Variants in LCA5 observed in about 807,000 individuals in gnomAD.
LCA5 encodes the protein lebercilin.
Under a neutral mutation model 53.0 loss-of-function variants are expected in LCA5, and 37 were observed. That is an observed-to-expected ratio of 0.70 (90% confidence interval 0.54 to 0.92). The LOEUF (loss-of-function observed/expected upper bound fraction) is 0.92, where lower values mean the gene tolerates loss of function less well. Among genes scored for constraint, LCA5 ranks in the 40% least tolerant of loss-of-function variants. The pLI is 0.00. For missense variants in LCA5, 806 were observed against 790.5 expected, an observed-to-expected ratio of 1.02 and a Z score of -0.23; for synonymous variants, 303 against 282.9, an observed-to-expected ratio of 1.07 and a Z score of -0.71.
At chr6:79,536,745 C>T (rs986595876) in intron 1 of LCA5, among the ~76,000 whole-genome samples, 20 of 152,154 alleles carry the variant, frequency 1.3e-4, no homozygotes, top group Non-Finnish European at 4.4e-5. Flanking sequence ...GGCCCTTGGC[C>T]CTGCCCCTCC....
intron 1 of LCA5, among the ~76,000 whole-genome samples, chr6:79,533,536 A>G (rs1562116067): frequency 6.6e-6 from 1 of 151,946 alleles, no homozygotes; most frequent in Non-Finnish European, 1.5e-5. Context: ...ATAGGAAGCT[A>G]CCAAATCTAA....
In LCA5 at chr6:79,491,683, T is replaced by C. The variant is rs774324348; in HGVS notation, c.1003A>G (p.Thr335Ala). The change falls in exon 6 of 8, where the codon ACC becomes GCC. Residue 335 changes from threonine to alanine, a missense_variant. Physicochemically the swap from Thr to Ala is moderately conservative, Grantham distance 58. Coordinates refer to ENST00000369846, the MANE Select transcript of LCA5 (RefSeq NM_001122769.3). ...TCTTCTGGCTTGAAGTCTTCCATGG[T>C]TTGTACTCCTTTTGTACACAGGTCT... ...FADLCTKGVQ[T>A]MEDFKPEEYP... 1 of 1,613,152 alleles carries C rather than the reference T, an allele frequency of 6.2e-7. No individual in the cohort carries two copies. Among genetic ancestry groups the C allele is most frequent in the Non-Finnish European group, 8.5e-7 (1 of 1,179,300 alleles).
At chr6:79,498,647 T>C (rs879425207) in intron 3 of LCA5, among the ~76,000 whole-genome samples, 3 of 151,966 alleles carry the variant, frequency 2.0e-5, no homozygotes, top group Non-Finnish European at 4.4e-5. Context: ...GGAACAATAA[T>C]GAACAATGGT....
At chr6:79,500,758 T>A (rs1167909801) in intron 3 of LCA5, among the ~76,000 whole-genome samples, 3 of 152,320 alleles carry the variant, frequency 2.0e-5, no homozygotes, top group African/African-American at 7.2e-5. Context: ...TAGGTTTGTA[T>A]TGCCCTCAGG....
chr6:79,516,266 C>T (rs146469362), intron 2 of LCA5, among the ~76,000 whole-genome samples: 1 of 151,538 alleles, frequency 6.6e-6, no homozygotes, highest in East Asian at 1.9e-4. Context: ...GTTTTCTTTC[C>T]CAACATATGT....
At chr6:79,532,935 A>C (rs1179384034) in intron 1 of LCA5, among the ~76,000 whole-genome samples, 1 of 152,136 alleles carries the variant, frequency 6.6e-6, no homozygotes, top group East Asian at 1.9e-4. Flanking sequence ...CCATTTTATA[A>C]AATTTTCCTT....
chr6:79,529,094 G>A (rs1766878309), intron 1 of LCA5, among the ~76,000 whole-genome samples: 1 of 152,174 alleles, frequency 6.6e-6, no homozygotes, highest in African/African-American at 2.4e-5. Flanking sequence ...GCAGTGGGAT[G>A]TTGTATTATC....
intron 1 of LCA5, among the ~76,000 whole-genome samples, chr6:79,534,127 A>G (rs910077181): frequency 1.3e-5 from 2 of 150,444 alleles, no homozygotes; most frequent in Non-Finnish European, 3.0e-5. Context: ...TCTTCTAATA[A>G]CATGTCCCCA....
intron 3 of LCA5, among the ~76,000 whole-genome samples, chr6:79,507,824 A>T (rs565100315): frequency 6.6e-6 from 1 of 152,180 alleles, no homozygotes; most frequent in Admixed American, 6.5e-5. Flanking sequence ...ATGCTATATA[A>T]ACTGCATGCT....
chr6:79,513,598 T>C lies in LCA5; in HGVS notation c.334A>G (p.Ile112Val), dbSNP rs576105476. The change falls in exon 3 of 8, where the codon ATC becomes GTC. Residue 112 changes from isoleucine to valine, a missense_variant. Coordinates refer to ENST00000369846, the MANE Select transcript of LCA5 (RefSeq NM_001122769.3). Reference sequence around the variant, plus strand: ...GATACTTCATTCTGCAACTCATTGATTTTTAGCAGTCTTGCAGACAGAATC... The same window carrying C: ...GATACTTCATTCTGCAACTCATTGACTTTTAGCAGTCTTGCAGACAGAATC... ...KRILSARLLK[I>V]NELQNEVSEL... 57 of 1,613,972 alleles carry C rather than the reference T, an allele frequency of 3.5e-5. No homozygotes were observed. The South Asian group carries it at 5.9e-4, about 17-fold the overall frequency.
At chr6:79,532,908 A>C (rs1267213738) in intron 1 of LCA5, among the ~76,000 whole-genome samples, 2 of 152,166 alleles carry the variant, frequency 1.3e-5, no homozygotes, top group Non-Finnish European at 2.9e-5. Context: ...ATGTTATTTC[A>C]AATAGAATAT....
intron 3 of LCA5, among the ~76,000 whole-genome samples, chr6:79,498,003 A>T (rs1582623612): frequency 6.6e-6 from 1 of 152,002 alleles, no homozygotes; most frequent in East Asian, 1.9e-4. Flanking sequence ...ACTGACAAAA[A>T]CTGTACTACA....
chr6:79,486,955 T>C lies in LCA5; in HGVS notation c.*49A>G. ...CTAAATGTTTATAATAAATACTGTATTAAAATATTTCAATATTTACAATTA... is the reference window on the plus strand; with the variant it reads ...CTAAATGTTTATAATAAATACTGTACTAAAATATTTCAATATTTACAATTA... On this transcript the variant is annotated 3_prime_UTR_variant, in exon 8 of 8. Transcript: ENST00000369846. The C allele has an allele frequency of 7.0e-7, 1 of 1,425,358 alleles. No individual in the cohort carries two copies. Among genetic ancestry groups the C allele is most frequent in the Non-Finnish European group, 9.6e-7 (1 of 1,039,010 alleles). 88.3% of individuals were successfully genotyped at this position (1,425,358 alleles called of 1,614,324 possible). A position where few individuals can be genotyped will look rare whatever the true frequency, so the allele number is the denominator to read the frequency against.
intron 3 of LCA5, among the ~76,000 whole-genome samples, chr6:79,496,256 T>C (rs114876403): frequency 0.01 from 1,555 of 152,328 alleles, 26 homozygotes; most frequent in African/African-American, 0.036. Flanking sequence ...GGTACAACCA[T>C]TTTGGAAAAC....
Position 79,492,573 on chromosome 6 carries a change from T to C in LCA5, c.933A>G (p.Lys311=), listed in dbSNP as rs1769873252. The C allele has an allele frequency of 1.3e-6, 2 of 1,545,932 alleles. No homozygotes were observed. Among genetic ancestry groups the C allele is most frequent in the East Asian group, 2.3e-5 (1 of 44,206 alleles). ...RLPKSSPNKE[K]ELALRKNAAC... is the part of the protein sequence containing the mutation. ...TACCATTTTTTCTTAATGCAAGTTC[T>C]TTCTCTTTATTTGGAGAGGACTTTG... Residue 311 remains lysine, a synonymous_variant, in exon 5 of 8, where the codon AAA becomes AAG. Coordinates refer to ENST00000369846, the MANE Select transcript of LCA5 (RefSeq NM_001122769.3).
Position 79,487,155 on chromosome 6 carries a change from T to C in LCA5, c.1943A>G (p.Asp648Gly). 2 of 1,614,054 alleles carry C rather than the reference T, an allele frequency of 1.2e-6. No individual in the cohort carries two copies. Among genetic ancestry groups the C allele is most frequent in the South Asian group, 1.1e-5 (1 of 91,090 alleles). ...GCCTTCATCTTCATCATGTTCTTGA[T>C]CTCTGCTGCCTTTATTCCCAGGGAG... ...NFLPGNKGSR[D>G]QEHDEDEGFF... Residue 648 changes from aspartate to glycine, a missense_variant, in exon 8 of 8, where the codon GAT (aspartate) becomes GGT (glycine). By Grantham distance (94) the Asp-to-Gly change is moderately conservative (BLOSUM62 -1). Coordinates refer to ENST00000369846, the MANE Select transcript of LCA5 (RefSeq NM_001122769.3).
intron 1 of LCA5, among the ~76,000 whole-genome samples, chr6:79,536,850 C>T (rs1332814708): frequency 6.6e-6 from 1 of 152,142 alleles, no homozygotes; most frequent in Non-Finnish European, 1.5e-5. Context: ...CCTTTCTTCT[C>T]TTCTCGGTCC....
Position 79,529,337 on chromosome 6 carries a change from T to C in LCA5, c.-192+7828A>G, listed in dbSNP as rs906115067. 2.0e-5 allele frequency among the ~76,000 whole-genome samples: 3 copies of C among 152,276 alleles called. No individual in the cohort carries two copies. The South Asian group carries it at 6.2e-4, about 32-fold the overall frequency. On this transcript the variant is annotated intron_variant, in intron 1 of 7. Transcript: ENST00000369846. ...GGAGAGAATTAGTGAGAAAACATTT[T>C]AAATGGTCCACTTTCAAGGCATGAT...
chr6:79,503,044 A>G (rs969718271), intron 3 of LCA5, among the ~76,000 whole-genome samples: 18 of 151,884 alleles, frequency 1.2e-4, no homozygotes, highest in Admixed American at 7.2e-4. Flanking sequence ...ACCACACATG[A>G]TTAATTTTTG....
Sources: gnomAD v4.1 joint callset for allele counts (sites outside exome capture counted in the v4.1 genomes callset) on GRCh38, gnomAD v4.1.1 for gene constraint, MANE v1.5 for transcripts, NCBI Gene and HGNC (gene_info 2026-07-23, HGNC 2026-07-21) for gene names.